Variants in PCLO observed in about 807,000 individuals in gnomAD.
PCLO encodes the protein protein piccolo.
In PCLO, 82 loss-of-function variants were observed where a neutral mutation model predicts 427.5. The ratio of observed to expected loss-of-function variants is 0.19; its 90% confidence interval spans 0.16 to 0.23. The LOEUF is 0.23. Among genes scored for constraint, PCLO ranks in the 10% least tolerant of loss-of-function variants. The pLI is 1.00. For missense variants in PCLO, 6,239 were observed against 6,115.9 expected (o/e 1.02, Z -0.67); for synonymous variants, 2,357 against 2,155.4 (o/e 1.09, Z -2.59).
intron 9 of PCLO, among the ~76,000 whole-genome samples, chr7:82,884,568 T>A (rs1182110238): frequency 6.6e-6 from 1 of 152,142 alleles, no homozygotes; most frequent in African/African-American, 2.4e-5. Flanking sequence ...ATAAGACAAT[T>A]GCAAAATTAG....
rs1211294386 is a variant in PCLO, at chr7:83,080,831, T to A, written c.3300+53419A>T. Among the ~76,000 whole-genome samples the A allele has an allele frequency of 2.6e-5, 4 of 152,164 alleles. No homozygotes were observed. The South Asian group carries it at 6.2e-4, about 24-fold the overall frequency. ...GCCTGAAACCATGGATAGTGCTGAA[T>A]CCTATATGTACTATCTTTTTCCCCA... On this transcript the variant is annotated intron_variant, in intron 3 of 24. Transcript: ENST00000333891.
intron 5 of PCLO, 41 bp from the exon 6 acceptor site, chr7:82,951,531 A>AATG (rs1252076340): frequency 7.4e-7 from 1 of 1,356,600 alleles, no homozygotes; most frequent in Non-Finnish European, 1.0e-6. Flanking sequence ...TCCCAGAATG[A>AATG]ATGATGCTTT....
chr7:83,031,159 CA>C (rs747371663), intron 3 of PCLO, among the ~76,000 whole-genome samples: 50 of 152,242 alleles, frequency 3.3e-4, no homozygotes, highest in South Asian at 2.7e-3. Flanking sequence ...CTATTGTGAG[CA>C]AAGTAATTTG....
intron 3 of PCLO, among the ~76,000 whole-genome samples, chr7:83,089,128 T>C (rs28654562): frequency 0.21 from 31,461 of 152,026 alleles, 4,234 homozygotes; most frequent in African/African-American, 0.38. Flanking sequence ...ATTTAGTGTG[T>C]ATGTATGTTT....
intron 16 of PCLO, among the ~76,000 whole-genome samples, chr7:82,828,455 T>C (rs1792007881): frequency 6.6e-6 from 1 of 152,156 alleles, no homozygotes; most frequent in South Asian, 2.1e-4. Context: ...ATATCTAAAG[T>C]ATATTCCAAC....
At chr7:82,768,465 C>T (rs946900189) in intron 22 of PCLO, among the ~76,000 whole-genome samples, 14 of 151,452 alleles carry the variant, frequency 9.2e-5, no homozygotes, top group Non-Finnish European at 5.9e-5. Flanking sequence ...TATTCAACCT[C>T]AATATTTTAA....
At chr7:82,801,023 A>G (rs536542001) in intron 22 of PCLO, among the ~76,000 whole-genome samples, 49 of 151,646 alleles carry the variant, frequency 3.2e-4, no homozygotes, top group African/African-American at 1.2e-3. Flanking sequence ...AATAAAACGA[A>G]ATTTGAACTT....
intron 3 of PCLO, among the ~76,000 whole-genome samples, chr7:82,978,149 T>C (rs940007586): frequency 6.6e-6 from 1 of 151,738 alleles, no homozygotes; most frequent in Non-Finnish European, 1.5e-5. Context: ...ATTTTTTTTT[T>C]AATATTAGAG....
chr7:83,132,200 G>C (rs1182888088), intron 3 of PCLO, among the ~76,000 whole-genome samples: 3 of 152,126 alleles, frequency 2.0e-5, no homozygotes, highest in Admixed American at 2.0e-4. Flanking sequence ...CATTAGCATA[G>C]TCAAGGTAAG....
In PCLO at chr7:82,922,042, C is replaced by T. The variant is rs181132742; in HGVS notation, c.11113-5169G>A. On this transcript the variant is annotated intron_variant, in intron 6 of 24. Coordinates refer to ENST00000333891, the MANE Select transcript of PCLO (RefSeq NM_033026.6). Reference sequence around the variant, plus strand: ...ACCACAATGAGATACCATCCTACACCAGTCAGAATGGCTATTATTAAAAAG... The same window carrying T: ...ACCACAATGAGATACCATCCTACACTAGTCAGAATGGCTATTATTAAAAAG... Among the ~76,000 whole-genome samples the T allele has an allele frequency of 4.6e-5, 7 of 152,046 alleles. No homozygotes were observed. The East Asian group carries it at 1.4e-3, about 29-fold the overall frequency.
At chr7:82,976,040 A>T (rs1796009636) in intron 3 of PCLO, among the ~76,000 whole-genome samples, 1 of 152,214 alleles carries the variant, frequency 6.6e-6, no homozygotes, top group Admixed American at 6.5e-5. Flanking sequence ...AATACAGTTT[A>T]TCACAGGAAA....
chr7:83,160,926 T>C (rs6467937), intron 1 of PCLO, among the ~76,000 whole-genome samples: 10,443 of 152,218 alleles, frequency 0.069, 492 homozygotes, highest in Non-Finnish European at 0.11. Flanking sequence ...ACACTAAATT[T>C]TTTTTCTTGT....
intron 3 of PCLO, among the ~76,000 whole-genome samples, chr7:82,972,744 C>T (rs564941579): frequency 1.3e-5 from 2 of 152,066 alleles, no homozygotes; most frequent in South Asian, 4.2e-4. Flanking sequence ...AGTTCCCTGC[C>T]CACTATGAAG....
chr7:82,971,227 T>C (rs1318403313), intron 3 of PCLO, among the ~76,000 whole-genome samples: 1 of 151,850 alleles, frequency 6.6e-6, no homozygotes. Context: ...ATGCCATGTA[T>C]GACTTTTACT....
Position 82,835,517 on chromosome 7 carries a change from T to C in PCLO, c.14249+150A>G, listed in dbSNP as rs1334570829. 4 of 598,668 alleles carry C rather than the reference T, an allele frequency of 6.7e-6. No homozygotes were observed. The African/African-American group carries it at 7.5e-5, about 11-fold the overall frequency. The allele number at this position is 598,668 out of a possible 1,614,324, so 37.1% of individuals were successfully genotyped here. ...TATTTAGAAATATGCTCAGAACAATTTGTCGCAGTGCTGATTCAATAGATA... is the reference window on the plus strand; with the variant it reads ...TATTTAGAAATATGCTCAGAACAATCTGTCGCAGTGCTGATTCAATAGATA... On this transcript the variant is annotated intron_variant, in intron 16 of 24. Transcript: ENST00000333891.
Position 82,953,543 on chromosome 7 carries a change from A to G in PCLO, c.7410T>C (p.Ser2470=). Residue 2470 remains serine, a synonymous_variant, in exon 5 of 25, where the codon AGT becomes AGC. Transcript: ENST00000333891. Reference sequence around the variant, plus strand: ...ATATTCTTGTAACAGGTAATCCATTACTTCTCAGAACAGCTGTGGTCTCTA... The same window carrying G: ...ATATTCTTGTAACAGGTAATCCATTGCTTCTCAGAACAGCTGTGGTCTCTA... ...TTLETTAVLR[S]NGLPVTRICT... 1.9e-6 allele frequency: 3 copies of G among 1,613,328 alleles called. No individual in the cohort carries two copies. The South Asian group carries it at 3.3e-5, about 18-fold the overall frequency.
chr7:82,864,522 CAT>C (rs372175949), intron 10 of PCLO, among the ~76,000 whole-genome samples: 29 of 152,042 alleles, frequency 1.9e-4, no homozygotes, highest in African/African-American at 7.0e-4. Context: ...AATATTAAGA[CAT>C]AAAAGGAAAG....
At chr7:83,082,309 TGCTTTATATTAAAAGAAAA>T (rs1417614407) in intron 3 of PCLO, among the ~76,000 whole-genome samples, 1 of 151,704 alleles carries the variant, frequency 6.6e-6, no homozygotes, top group East Asian at 1.9e-4. Context: ...AAAAATATTT[TGCTTTATATTAAAAGAAAA>T]GCTAAATGGA....
At chr7:82,861,038 A>G (rs148709104) in intron 10 of PCLO, among the ~76,000 whole-genome samples, 2,448 of 152,174 alleles carry the variant, frequency 0.016, 21 homozygotes, top group Middle Eastern at 0.027. Flanking sequence ...GAAAACAGGA[A>G]GGAAAGAAAG....
Sources: gnomAD v4.1 joint callset for allele counts (sites outside exome capture counted in the v4.1 genomes callset) on GRCh38, gnomAD v4.1.1 for gene constraint, MANE v1.5 for transcripts, NCBI Gene and HGNC (gene_info 2026-07-23, HGNC 2026-07-21) for gene names.